Variants in DPP6 observed in about 807,000 individuals in gnomAD.
The protein encoded by DPP6 is A-type potassium channel modulatory protein DPP6.
DPP6 carries 69 observed loss-of-function variants against 122.6 expected under a neutral mutation model. That is an observed-to-expected ratio of 0.56 (90% CI 0.46 to 0.69). The LOEUF is 0.69. DPP6 is among the 30% of genes least tolerant of loss of function. The pLI is 0.00. For missense variants in DPP6, 928 were observed against 1,116.9 expected, an observed-to-expected ratio of 0.83 and a Z score of 2.41; for synonymous variants, 418 against 433.1, an observed-to-expected ratio of 0.97 and a Z score of 0.43.
At chr7:154,753,016 G>A (rs1843473814) in intron 8 of DPP6, among the ~76,000 whole-genome samples, 1 of 152,168 alleles carries the variant, frequency 6.6e-6, no homozygotes, top group South Asian at 2.1e-4. Context: ...GGGGGACATA[G>A]CTCTGGCCGC....
the DPP6 span, among the ~76,000 whole-genome samples, chr7:153,749,420 CT>C: frequency 3.9e-5 from 6 of 152,124 alleles, no homozygotes; most frequent in African/African-American, 1.4e-4. The surrounding 1 kb of genome is among the most constrained non-coding windows in gnomAD (Gnocchi z 4.1). Flanking sequence ...CAGAGGAGCT[CT>C]TTCCCGGGAA....
intron 1 of DPP6, among the ~76,000 whole-genome samples, chr7:154,123,954 C>T (rs1215646855): frequency 5.3e-5 from 8 of 151,534 alleles, no homozygotes; most frequent in African/African-American, 1.7e-4. Flanking sequence ...CTGGGACAGA[C>T]GTGCCACCCA....
chr7:154,544,263 G>T (rs979060863), intron 4 of DPP6, among the ~76,000 whole-genome samples: 1 of 151,564 alleles, frequency 6.6e-6, no homozygotes, highest in African/African-American at 2.4e-5. Flanking sequence ...AAAATGTCTT[G>T]ATCCATTTCC....
intron 17 of DPP6, chr7:154,858,506 A>G (rs1252864985): frequency 6.6e-6 from 1 of 152,428 alleles, no homozygotes; most frequent in African/African-American, 2.4e-5. Context: ...GGGGAGGCAG[A>G]AGCAGTCACA....
chr7:154,629,389 T>G (rs1835276096), intron 5 of DPP6, among the ~76,000 whole-genome samples: 1 of 152,194 alleles, frequency 6.6e-6, no homozygotes, highest in African/African-American at 2.4e-5. Flanking sequence ...CTCATGCAGA[T>G]AACTTTCCTT....
At chr7:154,825,100 C>T (rs1800056071) in intron 16 of DPP6, among the ~76,000 whole-genome samples, 1 of 152,192 alleles carries the variant, frequency 6.6e-6, no homozygotes, top group South Asian at 2.1e-4. Context: ...ATCTGGTCCG[C>T]AGGTGACCAG....
intron 1 of DPP6, among the ~76,000 whole-genome samples, chr7:153,935,747 C>T (rs890694063): frequency 5.3e-5 from 8 of 152,202 alleles, no homozygotes; most frequent in Admixed American, 2.6e-4. Flanking sequence ...CTGCAGACTT[C>T]CCCACCACCA....
At chr7:154,138,623 C>G (rs561580244) in intron 1 of DPP6, among the ~76,000 whole-genome samples, 1 of 151,874 alleles carries the variant, frequency 6.6e-6, no homozygotes, top group South Asian at 2.1e-4. Flanking sequence ...TTGGACCCAT[C>G]ATGAAACTGG....
chr7:154,610,270 A>G (rs1042999511), intron 5 of DPP6, among the ~76,000 whole-genome samples: 2 of 152,168 alleles, frequency 1.3e-5, no homozygotes, highest in Non-Finnish European at 2.9e-5. Flanking sequence ...GTGGGCTGAT[A>G]TGGTTCCAAA....
intron 1 of DPP6, among the ~76,000 whole-genome samples, chr7:154,267,979 A>T: frequency 6.6e-6 from 1 of 151,600 alleles, no homozygotes; most frequent in South Asian, 2.1e-4. Context: ...GTATATGCGC[A>T]CATACATATT....
chr7:154,598,190 A>G (rs998524887), intron 5 of DPP6, among the ~76,000 whole-genome samples: 8 of 152,252 alleles, frequency 5.3e-5, no homozygotes, highest in African/African-American at 1.7e-4. Context: ...ACCAAGTTAC[A>G]GGCCAGTATT....
At chr7:153,909,709 C>A (rs187046997) in intron 1 of DPP6, among the ~76,000 whole-genome samples, 5 of 152,288 alleles carry the variant, frequency 3.3e-5, no homozygotes, top group African/African-American at 7.2e-5. Context: ...CCAAAATACA[C>A]CGCTTTGGAC....
At chr7:154,440,261 C>T (rs577983376) in intron 1 of DPP6, among the ~76,000 whole-genome samples, 12 of 152,302 alleles carry the variant, frequency 7.9e-5, no homozygotes, top group East Asian at 1.9e-4. Context: ...CAGCTGCCCA[C>T]GCCTGCAGTC....
At chr7:154,817,627 G>T (rs1229363328) in intron 16 of DPP6, among the ~76,000 whole-genome samples, 2 of 152,194 alleles carry the variant, frequency 1.3e-5, no homozygotes, top group African/African-American at 4.8e-5. Flanking sequence ...TGAACATCAT[G>T]AGTGAATGAT....
chr7:154,814,447 C>T (rs1447546435), intron 16 of DPP6, among the ~76,000 whole-genome samples: 2 of 152,116 alleles, frequency 1.3e-5, no homozygotes, highest in East Asian at 1.9e-4. Context: ...TGTATTCACC[C>T]GCAGACCAAC....
intron 1 of DPP6, among the ~76,000 whole-genome samples, chr7:154,275,026 C>A (rs1804037464): frequency 6.6e-6 from 1 of 152,260 alleles, no homozygotes; most frequent in Non-Finnish European, 1.5e-5. Context: ...TGTCCTTGCA[C>A]ACCTGCTGCA....
intron 7 of DPP6, among the ~76,000 whole-genome samples, chr7:154,707,752 C>T (rs1406052466): frequency 6.6e-6 from 1 of 152,196 alleles, no homozygotes; most frequent in African/African-American, 2.4e-5. Flanking sequence ...TTGATTGACT[C>T]ACAGTTCCTC....
intron 10 of DPP6, among the ~76,000 whole-genome samples, chr7:154,777,285 T>G (rs991722562): frequency 2.9e-4 from 44 of 151,964 alleles, no homozygotes; most frequent in African/African-American, 1.0e-3. Context: ...GTGGGGTGAG[T>G]GGGAAGTGTT....
upstream of DPP6, among the ~76,000 whole-genome samples, chr7:154,051,134 T>G (rs1383628763): frequency 1.6e-5 from 2 of 123,950 alleles, no homozygotes; most frequent in Non-Finnish European, 3.6e-5. Context: ...TTTGAAACCC[T>G]AAGTGGAAAC....
Sources: gnomAD v4.1 joint callset for allele counts (sites outside exome capture counted in the v4.1 genomes callset) on GRCh38, gnomAD v4.1.1 for gene constraint, Gnocchi (gnomAD v3.1) non-coding constraint, MANE v1.5 for transcripts, NCBI Gene and HGNC (gene_info 2026-07-23, HGNC 2026-07-21) for gene names.